BFSP2: variants seen among roughly 807,000 people sequenced by gnomAD.
BFSP2 encodes phakinin.
A neutral mutation model predicts 44.9 loss-of-function variants in BFSP2; 38 were observed. The observed-to-expected ratio is 0.85, with a 90% confidence interval of 0.65 to 1.11. BFSP2 has a LOEUF of 1.11. Ranked by LOEUF, BFSP2 falls within the 50% of genes least tolerant of loss-of-function variation. BFSP2 has a pLI of 0.00. For synonymous variants in BFSP2, 197 were observed against 209.9 expected, an observed-to-expected ratio of 0.94 and a Z score of 0.53; for missense variants, 525 against 533.0, an observed-to-expected ratio of 0.99 and a Z score of 0.15.
At chr3:133,454,922 A>G (rs1210171569) in intron 4 of BFSP2, among the ~76,000 whole-genome samples, 1 of 152,198 alleles carries the variant, frequency 6.6e-6, no homozygotes, top group Non-Finnish European at 1.5e-5. Flanking sequence ...GTTAAAAACT[A>G]AGACACATAC....
At chr3:133,466,773 G>A in intron 4 of BFSP2, 55 bp from the exon 5 acceptor site, 3 of 1,599,012 alleles carry the variant, frequency 1.9e-6, no homozygotes, top group East Asian at 2.3e-5. Flanking sequence ...GGGAAGGAAG[G>A]ATGGGCTCAG....
At chr3:133,440,793 C>T (rs939986802) in intron 1 of BFSP2, among the ~76,000 whole-genome samples, 8 of 152,154 alleles carry the variant, frequency 5.3e-5, no homozygotes, top group Non-Finnish European at 1.2e-4. Context: ...GCTCATCTGG[C>T]CCCTCTACAA....
At chr3:133,431,682 C>T in intron 1 of BFSP2, among the ~76,000 whole-genome samples, 1 of 152,048 alleles carries the variant, frequency 6.6e-6, no homozygotes, top group South Asian at 2.1e-4. Context: ...GTAAGTCCAT[C>T]CCCTTCTTAT....
intron 1 of BFSP2, chr3:133,429,739 A>T (rs2073690023): frequency 7.4e-6 from 1 of 135,806 alleles, no homozygotes; most frequent in Admixed American, 7.9e-5. Context: ...AAGAGATAAA[A>T]ATACAAAATG....
At chr3:133,416,816 CCT>C (rs1338767027) in intron 1 of BFSP2, among the ~76,000 whole-genome samples, 6 of 146,538 alleles carry the variant, frequency 4.1e-5, no homozygotes, top group African/African-American at 1.0e-4. Context: ...TCTATTCACC[CCT>C]GTCCTCTCCC....
intron 1 of BFSP2, chr3:133,429,203 T>C (rs2073683931): frequency 6.6e-6 from 1 of 152,056 alleles, no homozygotes; most frequent in Admixed American, 6.6e-5. Context: ...CTAGGACTAT[T>C]TTGCATTATT....
chr3:133,456,151 A>G (rs1484383770), intron 4 of BFSP2, among the ~76,000 whole-genome samples: 3 of 152,198 alleles, frequency 2.0e-5, no homozygotes, highest in Non-Finnish European at 4.4e-5. Context: ...CTCCCATGCT[A>G]TCTTCTCTAA....
chr3:133,456,948 C>G (rs2074017995), intron 4 of BFSP2, among the ~76,000 whole-genome samples: 1 of 152,184 alleles, frequency 6.6e-6, no homozygotes, highest in Non-Finnish European at 1.5e-5. Context: ...CCTGTAAACA[C>G]AGACATTTTA....
chr3:133,470,530 A>G (rs1016224403), intron 5 of BFSP2, among the ~76,000 whole-genome samples: 6 of 152,254 alleles, frequency 3.9e-5, no homozygotes, highest in African/African-American at 1.4e-4. Flanking sequence ...GAACACAGAT[A>G]CAGTTTTTTA....
intron 1 of BFSP2, among the ~76,000 whole-genome samples, chr3:133,408,485 C>T (rs1316713231): frequency 6.6e-6 from 1 of 152,182 alleles, no homozygotes; most frequent in Admixed American, 6.5e-5. Flanking sequence ...TTTATGTATA[C>T]ATAATTTGAC....
chr3:133,418,440 G>A (rs4854585), intron 1 of BFSP2, among the ~76,000 whole-genome samples: 85,867 of 151,924 alleles, frequency 0.57, 25,394 homozygotes, highest in East Asian at 0.9. Context: ...GAGAAGCCCC[G>A]GGAGGTCACG....
chr3:133,438,163 G>A (rs950293142), intron 1 of BFSP2, among the ~76,000 whole-genome samples: 22 of 152,198 alleles, frequency 1.4e-4, no homozygotes, highest in Non-Finnish European at 3.1e-4. Context: ...TTGTCAGCTA[G>A]AAGTCAGTAA....
intron 4 of BFSP2, among the ~76,000 whole-genome samples, chr3:133,464,128 A>G (rs1241180244): frequency 1.3e-5 from 2 of 152,202 alleles, no homozygotes; most frequent in Non-Finnish European, 2.9e-5. Flanking sequence ...CTGGCCAGGA[A>G]CCCAACCCCA....
rs1175142057 is a variant in BFSP2, at chr3:133,447,343, C to T, written c.516C>T (p.Ala172=). 2.5e-6 allele frequency: 4 copies of T among 1,613,848 alleles called. No homozygotes were observed. Among genetic ancestry groups the T allele is most frequent in the South Asian group, 1.1e-5 (1 of 91,072 alleles). ...TGGGTGAGGCAGTCTTGGAAAATGC[C>T]CGGCTCATGCTGCAGACAGAAACTA... ...QQVGEAVLEN[A]RLMLQTETIQ... Residue 172 remains alanine (A), a synonymous_variant, in exon 2 of 7, where the codon GCC becomes GCT. Transcript: ENST00000302334.
chr3:133,425,637 C>T (rs2073637310), intron 1 of BFSP2, among the ~76,000 whole-genome samples: 1 of 151,906 alleles, frequency 6.6e-6, no homozygotes, highest in Non-Finnish European at 1.5e-5. Flanking sequence ...TCTCCCCTGC[C>T]CAGGTAGGGC....
At chr3:133,456,371 A>G (rs2074012903) in intron 4 of BFSP2, among the ~76,000 whole-genome samples, 1 of 152,232 alleles carries the variant, frequency 6.6e-6, no homozygotes, top group South Asian at 2.1e-4. Flanking sequence ...AAGATCATCT[A>G]AAGCCGGGCC....
chr3:133,422,843 G>A (rs567222544), intron 1 of BFSP2, among the ~76,000 whole-genome samples: 148 of 151,260 alleles, frequency 9.8e-4, no homozygotes, highest in Non-Finnish European at 1.5e-3. Flanking sequence ...CCGAGAGACA[G>A]CAAAGCCAAC....
At chr3:133,432,609 A>G (rs1403523641) in intron 1 of BFSP2, among the ~76,000 whole-genome samples, 5 of 152,016 alleles carry the variant, frequency 3.3e-5, no homozygotes, top group African/African-American at 4.8e-5. Flanking sequence ...CCTCCTTTGA[A>G]TCTTCTCAAC....
intron 1 of BFSP2, chr3:133,429,247 A>G (rs1435051751): frequency 2.6e-5 from 4 of 152,160 alleles, no homozygotes; most frequent in African/African-American, 9.7e-5. Flanking sequence ...TATACTGTGT[A>G]TTAGTCAGGG....
Sources: gnomAD v4.1 joint callset for allele counts (sites outside exome capture counted in the v4.1 genomes callset) on GRCh38, gnomAD v4.1.1 for gene constraint, MANE v1.5 for transcripts, NCBI Gene and HGNC (gene_info 2026-07-23, HGNC 2026-07-21) for gene names.